MEIKIN: variants seen among roughly 807,000 people sequenced by gnomAD.
MEIKIN encodes meiotic kinetochore factor, also known as meiosis-specific kinetochore protein.
chr5:131,938,039 A>G (rs1353242967), intron 4 of MEIKIN, among the ~76,000 whole-genome samples: 1 of 152,026 alleles, frequency 6.6e-6, no homozygotes, highest in Non-Finnish European at 1.5e-5. Context: ...TGTTTACTCT[A>G]TAATGTCTGA....
chr5:131,871,259 G>C (rs1049262130), intron 9 of MEIKIN, among the ~76,000 whole-genome samples: 1 of 152,234 alleles, frequency 6.6e-6, no homozygotes, highest in Non-Finnish European at 1.5e-5. Context: ...GTCAAAGAAA[G>C]GGGTGACAGA....
At chr5:131,914,922 A>G (rs1314635150) in intron 7 of MEIKIN, among the ~76,000 whole-genome samples, 1 of 152,150 alleles carries the variant, frequency 6.6e-6, no homozygotes, top group Non-Finnish European at 1.5e-5. Context: ...AAGAAGAGGG[A>G]GTATGTACTA....
intron 4 of MEIKIN, among the ~76,000 whole-genome samples, chr5:131,934,120 A>AT (rs953692105): frequency 4.3e-4 from 63 of 147,452 alleles, no homozygotes; most frequent in African/African-American, 1.2e-3. Context: ...CTGGCTAATT[A>AT]TTTTTTTTTT....
At chr5:131,828,038 CAA>C (rs754641369) in intron 11 of MEIKIN, among the ~76,000 whole-genome samples, 6 of 107,612 alleles carry the variant, frequency 5.6e-5, no homozygotes, top group Non-Finnish European at 4.0e-5. Flanking sequence ...GACCCTGTCT[CAA>C]AAAAAAAAAA....
intron 11 of MEIKIN, among the ~76,000 whole-genome samples, chr5:131,838,631 T>C (rs922645940): frequency 3.7e-4 from 56 of 152,152 alleles, no homozygotes; most frequent in Admixed American, 5.2e-4. Context: ...ATTTCTAGTT[T>C]GTGTACATAG....
chr5:131,828,801 A>G (rs374064937), intron 11 of MEIKIN, among the ~76,000 whole-genome samples: 1 of 152,216 alleles, frequency 6.6e-6, no homozygotes, highest in Non-Finnish European at 1.5e-5. Flanking sequence ...GGAAGTGAAA[A>G]ACAAATATAT....
intron 12 of MEIKIN, among the ~76,000 whole-genome samples, chr5:131,816,039 T>C (rs1773094069): frequency 1.3e-5 from 2 of 152,236 alleles, no homozygotes; most frequent in Admixed American, 1.3e-4. Flanking sequence ...AGTTTTTAAG[T>C]TACAGGATAG....
At chr5:131,892,229 G>A (rs748746232) in intron 8 of MEIKIN, among the ~76,000 whole-genome samples, 16 of 152,022 alleles carry the variant, frequency 1.1e-4, no homozygotes, top group African/African-American at 3.9e-4. Flanking sequence ...TCTTTGTGGC[G>A]TTCTCTGTAT....
intron 8 of MEIKIN, among the ~76,000 whole-genome samples, chr5:131,896,316 A>C (rs1751050501): frequency 6.6e-6 from 1 of 152,170 alleles, no homozygotes; most frequent in East Asian, 1.9e-4. Flanking sequence ...TATGTGGTCA[A>C]TTTTAGAACA....
intron 12 of MEIKIN, among the ~76,000 whole-genome samples, chr5:131,811,127 A>G (rs762399526): frequency 2.6e-5 from 4 of 152,282 alleles, no homozygotes; most frequent in East Asian, 3.9e-4. Flanking sequence ...TTAGTTCAAC[A>G]TTAATGGGGA....
chr5:131,887,489 C>A (rs942969074), intron 8 of MEIKIN, among the ~76,000 whole-genome samples: 2 of 152,172 alleles, frequency 1.3e-5, no homozygotes, highest in Non-Finnish European at 2.9e-5. Flanking sequence ...CACATCCTCT[C>A]TAGCATCTGT....
intron 12 of MEIKIN, among the ~76,000 whole-genome samples, chr5:131,811,300 T>C (rs4705901): frequency 0.58 from 87,523 of 151,936 alleles, 29,653 homozygotes; most frequent in Non-Finnish European, 0.76. Context: ...GCCAAAAAGA[T>C]CAAATTAAGA....
chr5:131,897,250 C>T (rs934478470), intron 8 of MEIKIN, among the ~76,000 whole-genome samples: 2 of 152,206 alleles, frequency 1.3e-5, no homozygotes, highest in African/African-American at 2.4e-5. Context: ...GCCAAGAGAT[C>T]CACTGTTAGT....
At chr5:131,914,461 G>C (rs1448195393) in intron 7 of MEIKIN, among the ~76,000 whole-genome samples, 3 of 143,762 alleles carry the variant, frequency 2.1e-5, no homozygotes, top group Admixed American at 1.4e-4. Context: ...GAAGGAAGGG[G>C]AGAGAGAGAG....
intron 9 of MEIKIN, among the ~76,000 whole-genome samples, chr5:131,864,404 C>T (rs1393243776): frequency 1.3e-5 from 2 of 152,106 alleles, no homozygotes; most frequent in Non-Finnish European, 2.9e-5. Context: ...GTAGGACTCC[C>T]TTGAGTTTAG....
At chr5:131,900,845 A>G (rs1371726720) in intron 8 of MEIKIN, among the ~76,000 whole-genome samples, 2 of 151,964 alleles carry the variant, frequency 1.3e-5, no homozygotes, top group African/African-American at 4.8e-5. Flanking sequence ...GCTCCAGGAG[A>G]GCAGACACTG....
intron 9 of MEIKIN, among the ~76,000 whole-genome samples, chr5:131,871,034 C>T (rs984092510): frequency 6.6e-5 from 10 of 152,118 alleles, no homozygotes; most frequent in African/African-American, 1.2e-4. Context: ...CCAAGATGGC[C>T]GAATAGGAAC....
At chr5:131,924,233 A>G (rs2149648848) in intron 5 of MEIKIN, among the ~76,000 whole-genome samples, 1 of 152,234 alleles carries the variant, frequency 6.6e-6, no homozygotes, top group African/African-American at 2.4e-5. Context: ...TCTATCAACA[A>G]ACATTTAGGT....
chr5:131,839,478 T>G (rs948068405), intron 11 of MEIKIN, among the ~76,000 whole-genome samples: 3 of 152,228 alleles, frequency 2.0e-5, no homozygotes, highest in Non-Finnish European at 4.4e-5. Flanking sequence ...TATTATTGTG[T>G]GAAAGTCTAA....
Sources: gnomAD v4.1 joint callset for allele counts (sites outside exome capture counted in the v4.1 genomes callset) on GRCh38, gnomAD v4.1.1 for gene constraint, MANE v1.5 for transcripts, NCBI Gene and HGNC (gene_info 2026-07-23, HGNC 2026-07-21) for gene names.